KHDRBS3: variants seen among roughly 807,000 people sequenced by gnomAD.
KHDRBS3 encodes KH RNA binding domain containing, signal transduction associated 3.
Under a neutral mutation model 45.6 loss-of-function variants are expected in KHDRBS3, and 23 were observed. The ratio of observed to expected loss-of-function variants is 0.50; its 90% CI spans 0.36 to 0.72. The LOEUF (loss-of-function observed/expected upper bound fraction) is 0.72, where lower values mean the gene tolerates loss of function less well. KHDRBS3 is among the 30% of genes least tolerant of loss of function. The pLI, the probability that KHDRBS3 is intolerant of heterozygous loss-of-function variation, is 0.00. For synonymous variants in KHDRBS3, 162 were observed against 156.5 expected, an observed-to-expected ratio of 1.04 and a Z score of -0.26; for missense variants, 352 against 424.8, an observed-to-expected ratio of 0.83 and a Z score of 1.51.
chr8:135,582,150 C>A (rs1338676877), intron 6 of KHDRBS3, 77 bp downstream of exon 6: 2 of 1,328,440 alleles, frequency 1.5e-6, no homozygotes, highest in African/African-American at 1.5e-5. Flanking sequence ...ATTGTACCCG[C>A]GTACGCTTCC....
intron 6 of KHDRBS3, among the ~76,000 whole-genome samples, chr8:135,599,854 A>C (rs1362275480): frequency 1.3e-5 from 2 of 152,238 alleles, no homozygotes; most frequent in Non-Finnish European, 2.9e-5. Context: ...ATTGCGGGTG[A>C]AATGACACAG....
chr8:135,501,699 G>A (rs544925666), intron 1 of KHDRBS3, among the ~76,000 whole-genome samples: 1 of 152,150 alleles, frequency 6.6e-6, no homozygotes, highest in Non-Finnish European at 1.5e-5. Context: ...AAAAGTTTGA[G>A]TGTAGGGATT....
chr8:135,501,304 C>T (rs1563725606), intron 1 of KHDRBS3, among the ~76,000 whole-genome samples: 1 of 152,134 alleles, frequency 6.6e-6, no homozygotes, highest in South Asian at 2.1e-4. Flanking sequence ...GACCCTTCAG[C>T]GTACATAAAG....
chr8:135,600,379 A>C (rs886871465), intron 6 of KHDRBS3, among the ~76,000 whole-genome samples: 4 of 152,210 alleles, frequency 2.6e-5, no homozygotes, highest in Admixed American at 6.5e-5. Flanking sequence ...TGAATCTAAT[A>C]ATTCTGAATG....
chr8:135,463,448 G>A (rs947684351), intron 1 of KHDRBS3, among the ~76,000 whole-genome samples: 4 of 152,150 alleles, frequency 2.6e-5, no homozygotes, highest in Non-Finnish European at 4.4e-5. Context: ...AAGCATCCCA[G>A]TGCTCTTTAA....
At chr8:135,629,372 G>A (rs1476507828) in intron 7 of KHDRBS3, among the ~76,000 whole-genome samples, 4 of 152,336 alleles carry the variant, frequency 2.6e-5, no homozygotes, top group East Asian at 3.9e-4. Flanking sequence ...CTGGCTGTAA[G>A]ACAGCTGCAG....
At chr8:135,610,172 A>G (rs1402252244) in intron 7 of KHDRBS3, among the ~76,000 whole-genome samples, 2 of 151,980 alleles carry the variant, frequency 1.3e-5, no homozygotes, top group Non-Finnish European at 2.9e-5. Flanking sequence ...TGATGTCAAA[A>G]TGTGACTGCA....
chr8:135,631,645 A>G (rs1228560750), intron 7 of KHDRBS3, among the ~76,000 whole-genome samples: 1 of 152,194 alleles, frequency 6.6e-6, no homozygotes, highest in African/African-American at 2.4e-5. Flanking sequence ...TACCTGCTGA[A>G]GGACCTGCCT....
chr8:135,639,810 C>A (rs1830982941), intron 7 of KHDRBS3, among the ~76,000 whole-genome samples: 1 of 152,170 alleles, frequency 6.6e-6, no homozygotes, highest in African/African-American at 2.4e-5. Context: ...CAAGAACTCA[C>A]TTATCACCGA....
chr8:135,597,059 A>C (rs1230286960), intron 6 of KHDRBS3, among the ~76,000 whole-genome samples: 1 of 152,224 alleles, frequency 6.6e-6, no homozygotes, highest in Non-Finnish European at 1.5e-5. Context: ...TAGATATTTT[A>C]GATGGATAAT....
chr8:135,467,208 A>T (rs1821742068), intron 1 of KHDRBS3, among the ~76,000 whole-genome samples: 1 of 152,246 alleles, frequency 6.6e-6, no homozygotes, highest in Admixed American at 6.5e-5. Flanking sequence ...TTAACATAGA[A>T]TATATTCGTT....
chr8:135,584,926 A>C (rs563690332), intron 6 of KHDRBS3, among the ~76,000 whole-genome samples: 3 of 152,044 alleles, frequency 2.0e-5, no homozygotes, highest in South Asian at 2.1e-4. Flanking sequence ...CTTCTTAAAA[A>C]ATTTTTTTAT....
At chr8:135,467,766 GTTTTCTC>G (rs1229055192) in intron 1 of KHDRBS3, among the ~76,000 whole-genome samples, 2 of 152,246 alleles carry the variant, frequency 1.3e-5, no homozygotes, top group Non-Finnish European at 2.9e-5. Flanking sequence ...GGTGGTGCCA[GTTTTCTC>G]CTCTGTGAAG....
At chr8:135,525,985 C>G (rs1033088859) in intron 2 of KHDRBS3, among the ~76,000 whole-genome samples, 1 of 152,092 alleles carries the variant, frequency 6.6e-6, no homozygotes, top group Admixed American at 6.5e-5. Flanking sequence ...TGTATTTTTG[C>G]TGTATCTTTT....
intron 3 of KHDRBS3, among the ~76,000 whole-genome samples, chr8:135,545,411 C>G (rs771736895): frequency 6.6e-6 from 1 of 152,174 alleles, no homozygotes; most frequent in African/African-American, 2.4e-5. Flanking sequence ...TTTGAGTACT[C>G]AAAGTTATTT....
At chr8:135,554,256 CTTTTTAA>C (rs997000841) in intron 4 of KHDRBS3, among the ~76,000 whole-genome samples, 24 of 152,052 alleles carry the variant, frequency 1.6e-4, no homozygotes, top group African/African-American at 5.3e-4. Flanking sequence ...TAGAACAATA[CTTTTTAA>C]TTTTTAATTT....
At chr8:135,580,140 A>G (rs1828132703) in intron 5 of KHDRBS3, among the ~76,000 whole-genome samples, 2 of 152,198 alleles carry the variant, frequency 1.3e-5, no homozygotes, top group Admixed American at 6.5e-5. Flanking sequence ...GGTCCCAACC[A>G]GTGCTCAAGA....
At chr8:135,459,226 C>G (rs1698524948) in intron 1 of KHDRBS3, among the ~76,000 whole-genome samples, 2 of 152,270 alleles carry the variant, frequency 1.3e-5, no homozygotes, top group South Asian at 4.1e-4. Flanking sequence ...TTGCCTGTTT[C>G]AACCAGTTCT....
At chr8:135,551,052 G>A (rs1466078726) in intron 4 of KHDRBS3, among the ~76,000 whole-genome samples, 1 of 151,986 alleles carries the variant, frequency 6.6e-6, no homozygotes, top group African/African-American at 2.4e-5. Context: ...AAATGCAATT[G>A]AGTTTTGTAT....
Sources: allele counts gnomAD v4.1 joint callset (sites outside exome capture counted in the v4.1 genomes callset), GRCh38; gene constraint gnomAD v4.1.1; transcripts MANE v1.5; gene names NCBI Gene and HGNC (gene_info 2026-07-23, HGNC 2026-07-21).